The following HCRTR2 variants were observed in gnomAD, a reference collection of about 807,000 sequenced individuals.
HCRTR2 encodes the protein hypocretin receptor 2, also known as orexin receptor type 2.
HCRTR2 carries 22 observed loss-of-function variants against 49.0 expected under a neutral mutation model. The ratio of observed to expected loss-of-function variants is 0.45; its 90% confidence interval spans 0.32 to 0.64. The LOEUF is 0.64. HCRTR2 is among the 30% of genes least tolerant of loss of function. The pLI is 0.04. For synonymous variants in HCRTR2, 236 were observed against 205.3 expected (o/e 1.15, Z -1.28); for missense variants, 491 against 559.4 (o/e 0.88, Z 1.23).
Position 55,282,414 on chromosome 6 carries a change from T to C in HCRTR2, c.1295T>C (p.Leu432Pro), listed in dbSNP as rs1581877688. ...EQVVLTSIST[L>P]PAANGAGPLQ... is the part of the protein sequence containing the mutation. ...GTTGTGCTCACTAGCATAAGCACAC[T>C]CCCAGCAGCCAATGGAGCAGGACCA... is the stretch of plus-strand genomic sequence containing the variant. The change falls in exon 7 of 7, where the codon CTC becomes CCC. Residue 432 changes from leucine to proline, a missense_variant. Leu to Pro is a moderately conservative substitution (Grantham distance 98). Coordinates refer to ENST00000370862, the MANE Select transcript of HCRTR2 (RefSeq NM_001384272.1). The C allele has an allele frequency of 6.2e-7, 1 of 1,610,676 alleles. No individual in the cohort carries two copies. The highest frequency in any genetic ancestry group is 8.5e-7 in the Non-Finnish European group (1 of 1,177,182).
chr6:55,247,760 A>G (rs1766474261), intron 1 of HCRTR2, among the ~76,000 whole-genome samples: 1 of 152,162 alleles, frequency 6.6e-6, no homozygotes, highest in Admixed American at 6.6e-5. Flanking sequence ...CTGGGGATAT[A>G]CTACAAGGCA....
chr6:55,225,043 C>T (rs576384097), intron 1 of HCRTR2, among the ~76,000 whole-genome samples: 17 of 152,214 alleles, frequency 1.1e-4, no homozygotes, highest in Middle Eastern at 3.4e-3. Context: ...TGAGGTAATA[C>T]ATTTTTTAAT....
chr6:55,263,007 A>G (rs1766796999), intron 3 of HCRTR2, among the ~76,000 whole-genome samples: 1 of 151,678 alleles, frequency 6.6e-6, no homozygotes, highest in Non-Finnish European at 1.5e-5. Context: ...ATTGGAGAAA[A>G]TAAATGTTAT....
downstream of HCRTR2, among the ~76,000 whole-genome samples, chr6:55,284,406 A>C (rs929003284): frequency 6.6e-6 from 1 of 152,154 alleles, no homozygotes; most frequent in African/African-American, 2.4e-5. Context: ...CCTATCCCTC[A>C]CCTACTTAAC....
chr6:55,112,417 G>A (rs565616505), intron 1 of HCRTR2, among the ~76,000 whole-genome samples: 4 of 151,820 alleles, frequency 2.6e-5, no homozygotes, highest in African/African-American at 9.6e-5. Context: ...CTTAAAAGCT[G>A]CTAGAGCTGA....
upstream of HCRTR2, among the ~76,000 whole-genome samples, chr6:55,171,040 A>C (rs1286585365): frequency 6.6e-6 from 1 of 152,032 alleles, no homozygotes. Flanking sequence ...CGCAATAAAC[A>C]TATGTGTGCA....
chr6:55,210,582 C>T (rs1041135848), intron 1 of HCRTR2, among the ~76,000 whole-genome samples: 1 of 152,064 alleles, frequency 6.6e-6, no homozygotes, highest in Non-Finnish European at 1.5e-5. Context: ...ACAGGGAGAA[C>T]AAACATGGAG....
At chr6:55,275,386 T>C (rs115944847) in intron 4 of HCRTR2, among the ~76,000 whole-genome samples, 1,555 of 152,266 alleles carry the variant, frequency 0.01, 7 homozygotes, top group Non-Finnish European at 0.016. Context: ...GCATAGTTCC[T>C]GGAGCTCAGT....
At chr6:55,112,812 A>T (rs1472435342) in intron 1 of HCRTR2, among the ~76,000 whole-genome samples, 4 of 151,934 alleles carry the variant, frequency 2.6e-5, no homozygotes, top group African/African-American at 9.7e-5. Context: ...TGATACCATG[A>T]AAGAGCCCAC....
At chr6:55,193,697 A>G (rs1765360840) in intron 1 of HCRTR2, among the ~76,000 whole-genome samples, 1 of 152,102 alleles carries the variant, frequency 6.6e-6, no homozygotes, top group Non-Finnish European at 1.5e-5. Flanking sequence ...CATTTCTCAT[A>G]AAATACATTA....
At position 55,148,728 on chromosome 6, in the gene HCRTR2, G is replaced by A. The variant is rs34002310; in HGVS notation, c.-377-25483G>A. Among the ~76,000 whole-genome samples, 1,121 of 152,206 alleles carry A rather than the reference G, an allele frequency of 7.4e-3. 9 individuals are homozygous for A. Among genetic ancestry groups the A allele is most frequent in the Middle Eastern group, 0.031 (9 of 294 alleles). ...TAAATCTCTATAAGGCTGAGATTGTGAACATCAGATCATGGCTGGGATTCA... is the reference window on the plus strand; with the variant it reads ...TAAATCTCTATAAGGCTGAGATTGTAAACATCAGATCATGGCTGGGATTCA... On this transcript the variant is annotated intron_variant, in intron 1 of 7. Transcript: ENST00000615358.
intron 1 of HCRTR2, among the ~76,000 whole-genome samples, chr6:55,244,831 A>G (rs888211587): frequency 6.6e-6 from 1 of 151,870 alleles, no homozygotes; most frequent in African/African-American, 2.4e-5. Flanking sequence ...TTCAGTTGCT[A>G]TTTGTATATG....
intron 1 of HCRTR2, among the ~76,000 whole-genome samples, chr6:55,178,087 T>G (rs1371059061): frequency 6.6e-6 from 1 of 152,178 alleles, no homozygotes; most frequent in Non-Finnish European, 1.5e-5. Flanking sequence ...CATTATCATT[T>G]TTTTAAATTA....
At chr6:55,115,220 G>C (rs1473413799) in intron 1 of HCRTR2, among the ~76,000 whole-genome samples, 1 of 151,406 alleles carries the variant, frequency 6.6e-6, no homozygotes, top group Non-Finnish European at 1.5e-5. Flanking sequence ...ATTAACTTAT[G>C]AGTTCTCCAA....
intron 1 of HCRTR2, among the ~76,000 whole-genome samples, chr6:55,222,428 C>A (rs1472456729): frequency 6.6e-6 from 1 of 152,096 alleles, no homozygotes; most frequent in Non-Finnish European, 1.5e-5. Flanking sequence ...AGTAATCCCA[C>A]TTTTAGATAC....
At chr6:55,214,652 GT>G (rs1471849588) in intron 1 of HCRTR2, among the ~76,000 whole-genome samples, 3 of 151,448 alleles carry the variant, frequency 2.0e-5, no homozygotes, top group Non-Finnish European at 4.4e-5. Flanking sequence ...GTTTTGTTTT[GT>G]TTTAAAAAAC....
intron 1 of HCRTR2, among the ~76,000 whole-genome samples, chr6:55,220,652 T>C (rs1765872972): frequency 6.6e-6 from 1 of 152,140 alleles, no homozygotes; most frequent in Non-Finnish European, 1.5e-5. Context: ...AGGAACTAGG[T>C]AAGAATGTCC....
intron 1 of HCRTR2, among the ~76,000 whole-genome samples, chr6:55,132,253 G>T (rs1465865154): frequency 4.0e-5 from 6 of 151,788 alleles, no homozygotes; most frequent in South Asian, 2.1e-4. Flanking sequence ...GGCAATCATT[G>T]TGTCTCCTAA....
chr6:55,249,080 T>G (rs1243130524), intron 2 of HCRTR2, among the ~76,000 whole-genome samples: 2 of 152,128 alleles, frequency 1.3e-5, no homozygotes, highest in Non-Finnish European at 2.9e-5. Flanking sequence ...TCCAAAAGTT[T>G]GATTTTGCAC....
Sources: allele counts gnomAD v4.1 joint callset (sites outside exome capture counted in the v4.1 genomes callset), GRCh38; gene constraint gnomAD v4.1.1; transcripts MANE v1.5; gene names NCBI Gene and HGNC (gene_info 2026-07-23, HGNC 2026-07-21).